Variants in FANCB observed in about 807,000 individuals in gnomAD.
The protein encoded by FANCB is Fanconi anemia group B protein.
In FANCB, 5 loss-of-function variants were observed where a neutral mutation model predicts 38.9. The ratio of observed to expected loss-of-function variants is 0.13; its 90% CI spans 0.07 to 0.27. The LOEUF is 0.27. Among genes scored for constraint, FANCB ranks in the 10% least tolerant of loss-of-function variants. The pLI is 1.00. For synonymous variants in FANCB, 236 were observed against 215.4 expected, an observed-to-expected ratio of 1.10 and a Z score of -0.84; for missense variants, 573 against 602.7, an observed-to-expected ratio of 0.95 and a Z score of 0.52.
the FANCB span, among the ~76,000 whole-genome samples, chrX:14,726,822 A>G: frequency 8.9e-6 from 1 of 112,527 alleles, no homozygotes; most frequent in Admixed American, 9.4e-5. Flanking sequence ...TGTGTGCTAA[A>G]AATAGTTTAC....
chrX:14,714,513 C>A, the FANCB span, among the ~76,000 whole-genome samples: 1 of 111,741 alleles, frequency 8.9e-6, no homozygotes, highest in South Asian at 3.7e-4. Flanking sequence ...TAGCCCAACT[C>A]AACTCCCTAT....
the FANCB span, among the ~76,000 whole-genome samples, chrX:14,708,160 C>T: frequency 8.9e-6 from 1 of 111,771 alleles, no homozygotes; most frequent in South Asian, 3.8e-4. Flanking sequence ...CCTTGACCAA[C>T]ATCTTCCCCT....
the FANCB span, among the ~76,000 whole-genome samples, chrX:14,804,139 T>C: frequency 3.6e-5 from 4 of 111,929 alleles, no homozygotes; most frequent in African/African-American, 1.3e-4. Flanking sequence ...ACTGGGTATA[T>C]ACCCAAAGGA....
chrX:14,749,277 C>T, the FANCB span, among the ~76,000 whole-genome samples: 1 of 111,172 alleles, frequency 9.0e-6, no homozygotes, highest in African/African-American at 3.3e-5. Flanking sequence ...AATGGGTGGG[C>T]AGGAAATGTG....
At chrX:14,749,679 G>T in the FANCB span, among the ~76,000 whole-genome samples, 1 of 112,056 alleles carries the variant, frequency 8.9e-6, no homozygotes, top group Non-Finnish European at 1.9e-5. Flanking sequence ...AGCAAATCCA[G>T]TGATAATTCT....
chrX:14,692,872 A>G, the FANCB span, among the ~76,000 whole-genome samples: 1 of 111,755 alleles, frequency 8.9e-6, no homozygotes, highest in Non-Finnish European at 1.9e-5. Flanking sequence ...GGCATTACAT[A>G]ATAACAGATA....
the FANCB span, among the ~76,000 whole-genome samples, chrX:14,736,420 G>A: frequency 8.9e-6 from 1 of 112,123 alleles, no homozygotes; most frequent in Non-Finnish European, 1.9e-5. Flanking sequence ...CATGGGAAAA[G>A]CATAGTATCT....
downstream of FANCB, among the ~76,000 whole-genome samples, chrX:14,831,740 T>C (rs969745944): frequency 8.9e-6 from 1 of 111,951 alleles, no homozygotes; most frequent in Admixed American, 9.5e-5. Context: ...GAATAGTTTT[T>C]CAGCAGTGGA....
chrX:14,802,549 G>A, the FANCB span, among the ~76,000 whole-genome samples: 1 of 111,896 alleles, frequency 8.9e-6, no homozygotes, highest in South Asian at 3.7e-4. Context: ...CAATTGCTGG[G>A]AGCAGGGGTG....
the FANCB span, among the ~76,000 whole-genome samples, chrX:14,816,182 C>A: frequency 9.0e-6 from 1 of 111,213 alleles, no homozygotes; most frequent in Admixed American, 9.6e-5. Flanking sequence ...AAGAATTGAA[C>A]AAATAAAATG....
At chrX:14,727,092 T>C in the FANCB span, among the ~76,000 whole-genome samples, 1 of 111,823 alleles carries the variant, frequency 8.9e-6, no homozygotes, top group Non-Finnish European at 1.9e-5. Flanking sequence ...GGTTGTACAT[T>C]TTAGAGATGG....
chrX:14,714,324 T>C, the FANCB span, among the ~76,000 whole-genome samples: 1 of 111,171 alleles, frequency 9.0e-6, no homozygotes, highest in Admixed American at 9.6e-5. Context: ...TGGCATCTAG[T>C]GGGTAAAGGC....
the FANCB span, among the ~76,000 whole-genome samples, chrX:14,741,689 G>A: frequency 8.9e-6 from 1 of 111,820 alleles, no homozygotes; most frequent in Non-Finnish European, 1.9e-5. Context: ...TTAACTCATA[G>A]TATTCAAAAG....
the FANCB span, among the ~76,000 whole-genome samples, chrX:14,703,425 A>G: frequency 8.9e-6 from 1 of 111,822 alleles, no homozygotes; most frequent in Non-Finnish European, 1.9e-5. Flanking sequence ...CTCTGACCAC[A>G]GTTGAGAAAG....
the FANCB span, among the ~76,000 whole-genome samples, chrX:14,780,005 T>C: frequency 1.8e-5 from 2 of 110,631 alleles, no homozygotes; most frequent in Non-Finnish European, 3.8e-5. Flanking sequence ...TAAAAGAAAA[T>C]GAAAAATTCT....
the FANCB span, among the ~76,000 whole-genome samples, chrX:14,774,733 G>A: frequency 8.9e-6 from 1 of 112,268 alleles, no homozygotes; most frequent in South Asian, 3.7e-4. Context: ...AGGTAACAAA[G>A]GGTCAGATTC....
At chrX:14,835,254 A>C (rs2092338139), downstream of FANCB, 2 of 500,891 alleles carry the variant, frequency 4.0e-6, no homozygotes, top group Non-Finnish European at 7.3e-6. Context: ...ATTGGCCTTT[A>C]GTTCACAACC....
Position 14,843,412 on chromosome X carries a change from CCACTG to C in FANCB, c.*150_*154del. On this transcript the variant is annotated 3_prime_UTR_variant, in exon 10 of 10. Coordinates refer to ENST00000650831, the MANE Select transcript of FANCB (RefSeq NM_001018113.3). Reference sequence around the variant, plus strand: ...GAGATAAAATGGCCCTAGTTGAGAACCACTGCTGTTTATTTTGTGCATCATCAAAA... The same window carrying C: ...GAGATAAAATGGCCCTAGTTGAGAACCTGTTTATTTTGTGCATCATCAAAA... 2.3e-6 allele frequency: 1 copy of C among 429,469 alleles called. No homozygotes were observed. Among genetic ancestry groups the C allele is most frequent in the African/African-American group, 2.5e-5 (1 of 40,309 alleles). 35.4% of individuals were successfully genotyped at this position (429,469 alleles called of 1,213,427 possible). A position where few individuals can be genotyped will look rare whatever the true frequency, so the allele number is the denominator to read the frequency against.
chrX:14,809,838 C>A, the FANCB span, among the ~76,000 whole-genome samples: 4 of 112,513 alleles, frequency 3.6e-5, no homozygotes, highest in African/African-American at 1.3e-4. Context: ...GTGGTTCTCC[C>A]AGCACGCAGC....
Sources: gnomAD v4.1 joint callset for allele counts (sites outside exome capture counted in the v4.1 genomes callset) on GRCh38, gnomAD v4.1.1 for gene constraint, MANE v1.5 for transcripts, NCBI Gene and HGNC (gene_info 2026-07-23, HGNC 2026-07-21) for gene names.